The following NRXN3 variants were observed in gnomAD, a reference collection of about 807,000 sequenced individuals.
NRXN3 encodes neurexin III.
NRXN3 carries 32 observed loss-of-function variants against 137.6 expected under a neutral mutation model. The observed-to-expected ratio is 0.23, with a 90% CI of 0.18 to 0.31. The LOEUF (loss-of-function observed/expected upper bound fraction) is 0.31. NRXN3 is among the 10% of genes least tolerant of loss of function. NRXN3 has a pLI of 1.00. For synonymous variants in NRXN3, 798 were observed against 784.5 expected, an observed-to-expected ratio of 1.02 and a Z score of -0.29; for missense variants, 1,574 against 2,062.5, an observed-to-expected ratio of 0.76 and a Z score of 4.59.
At chr14:78,237,191 A>G (rs1161228512) in intron 1 of NRXN3, among the ~76,000 whole-genome samples, 1 of 152,220 alleles carries the variant, frequency 6.6e-6, no homozygotes, top group Non-Finnish European at 1.5e-5. Context: ...TTCTGGGTGT[A>G]GGTGGCCATA....
At chr14:79,093,259 T>C (rs1312335705) in intron 15 of NRXN3, among the ~76,000 whole-genome samples, 3 of 152,072 alleles carry the variant, frequency 2.0e-5, no homozygotes, top group African/African-American at 7.2e-5. Flanking sequence ...CTAATTGGAA[T>C]ATGGAAGGAT....
chr14:78,560,400 G>T (rs1451980998), intron 4 of NRXN3, among the ~76,000 whole-genome samples: 1 of 152,168 alleles, frequency 6.6e-6, no homozygotes, highest in East Asian at 1.9e-4. Flanking sequence ...AGGGACTCAG[G>T]TCCCAACCTT....
chr14:78,233,099 G>A (rs967080220), intron 1 of NRXN3, among the ~76,000 whole-genome samples: 1 of 152,220 alleles, frequency 6.6e-6, no homozygotes, highest in Non-Finnish European at 1.5e-5. Flanking sequence ...GTTGCCATGA[G>A]TTGCTTTTGG....
chr14:79,063,614 A>G (rs2099676965), intron 15 of NRXN3, among the ~76,000 whole-genome samples: 1 of 152,160 alleles, frequency 6.6e-6, no homozygotes, highest in African/African-American at 2.4e-5. Flanking sequence ...AGGAAATATT[A>G]TTGGAAAGGT....
intron 8 of NRXN3, among the ~76,000 whole-genome samples, chr14:78,790,692 A>T (rs1259783316): frequency 2.0e-5 from 3 of 152,162 alleles, no homozygotes; most frequent in Admixed American, 1.3e-4. Flanking sequence ...AGTGTCTTGA[A>T]GGTACAGAAA....
intron 4 of NRXN3, among the ~76,000 whole-genome samples, chr14:78,614,292 T>C (rs1374150285): frequency 6.6e-6 from 1 of 152,164 alleles, no homozygotes; most frequent in Admixed American, 6.5e-5. Flanking sequence ...AGGGCATGTA[T>C]TGATCTGAAA....
intron 15 of NRXN3, among the ~76,000 whole-genome samples, chr14:79,017,693 G>A (rs1294833735): frequency 6.6e-6 from 1 of 152,126 alleles, no homozygotes; most frequent in African/African-American, 2.4e-5. Context: ...AGTTTTCATG[G>A]CAGGTTCTCT....
intron 3 of NRXN3, among the ~76,000 whole-genome samples, chr14:78,289,640 G>T (rs1329303156): frequency 6.6e-6 from 1 of 152,066 alleles, no homozygotes; most frequent in Non-Finnish European, 1.5e-5. Flanking sequence ...TGGGGGCCAG[G>T]CGTGGTGGCT....
intron 15 of NRXN3, among the ~76,000 whole-genome samples, chr14:79,091,803 C>T (rs1311980043): frequency 2.0e-5 from 3 of 151,682 alleles, no homozygotes; most frequent in African/African-American, 7.3e-5. Flanking sequence ...CAAGTAGGAA[C>T]AAAAGTGAAT....
chr14:78,396,767 A>G (rs957805255), intron 4 of NRXN3, among the ~76,000 whole-genome samples: 3 of 151,814 alleles, frequency 2.0e-5, no homozygotes, highest in Non-Finnish European at 4.4e-5. Flanking sequence ...TTTGGTCTTC[A>G]GTTTTGGAAG....
At chr14:79,482,299 A>G (rs1010184536) in intron 16 of NRXN3, among the ~76,000 whole-genome samples, 1 of 152,204 alleles carries the variant, frequency 6.6e-6, no homozygotes, top group East Asian at 1.9e-4. Flanking sequence ...AATTGGTTAG[A>G]TCAGGTCTCT....
intron 15 of NRXN3, among the ~76,000 whole-genome samples, chr14:79,213,505 A>T (rs2068011865): frequency 6.6e-6 from 1 of 152,172 alleles, no homozygotes; most frequent in South Asian, 2.1e-4. Flanking sequence ...TCAAAGAAAC[A>T]ATTAAAAGAA....
intron 4 of NRXN3, among the ~76,000 whole-genome samples, chr14:78,510,815 G>A (rs1460531087): frequency 6.6e-6 from 1 of 152,120 alleles, no homozygotes; most frequent in Non-Finnish European, 1.5e-5. Flanking sequence ...AAGTGCTATA[G>A]GTACTAACGT....
chr14:78,429,818 A>T (rs1268301161), intron 4 of NRXN3, among the ~76,000 whole-genome samples: 1 of 152,222 alleles, frequency 6.6e-6, no homozygotes. Flanking sequence ...ATGTGTTAGT[A>T]TTATTACTCA....
intron 1 of NRXN3, among the ~76,000 whole-genome samples, chr14:78,229,213 A>G (rs951452054): frequency 1.1e-4 from 17 of 151,628 alleles, no homozygotes; most frequent in African/African-American, 4.1e-4. Flanking sequence ...GGGAAGCAAG[A>G]TTCCACCTCC....
chr14:78,921,346 A>G (rs894051158), intron 10 of NRXN3, among the ~76,000 whole-genome samples: 2 of 152,236 alleles, frequency 1.3e-5, no homozygotes, highest in Non-Finnish European at 2.9e-5. Flanking sequence ...AGGCAAACTC[A>G]TTGAAATGAA....
intron 4 of NRXN3, among the ~76,000 whole-genome samples, chr14:78,505,840 G>A (rs2095978044): frequency 6.6e-6 from 1 of 151,956 alleles, no homozygotes; most frequent in African/African-American, 2.4e-5. Context: ...GACTTCTTGA[G>A]ATATAATTGA....
chr14:78,507,555 T>C (rs1432346315), intron 4 of NRXN3, among the ~76,000 whole-genome samples: 3 of 152,198 alleles, frequency 2.0e-5, no homozygotes, highest in Non-Finnish European at 4.4e-5. Flanking sequence ...ATCATCCACC[T>C]TTCTAAGGTT....
chr14:79,599,895 T>G (rs975212241), intron 16 of NRXN3, among the ~76,000 whole-genome samples: 5 of 152,218 alleles, frequency 3.3e-5, no homozygotes, highest in African/African-American at 7.2e-5. Flanking sequence ...TCCAGAAGGC[T>G]GAGGCAGGGG....
Sources: gnomAD v4.1 joint callset for allele counts (sites outside exome capture counted in the v4.1 genomes callset) on GRCh38, gnomAD v4.1.1 for gene constraint, MANE v1.5 for transcripts, NCBI Gene and HGNC (gene_info 2026-07-23, HGNC 2026-07-21) for gene names.